Variants in HS2ST1 observed in about 807,000 individuals in gnomAD.
The protein encoded by HS2ST1 is 2-O-sulfotransferase.
In HS2ST1, 18 loss-of-function variants were observed where a neutral mutation model predicts 42.9. That is an observed-to-expected ratio of 0.42 (90% confidence interval 0.29 to 0.62). The LOEUF (loss-of-function observed/expected upper bound fraction) is 0.62, where lower values mean the gene tolerates loss of function less well. Among genes scored for constraint, HS2ST1 ranks in the 20% least tolerant of loss-of-function variants. The probability of loss-of-function intolerance (pLI) is 0.21; values close to 1 mark genes in which losing one functional copy is unlikely to be tolerated. For synonymous variants in HS2ST1, 146 were observed against 152.9 expected, an observed-to-expected ratio of 0.95 and a Z score of 0.33; for missense variants, 334 against 433.8, an observed-to-expected ratio of 0.77 and a Z score of 2.04.
intron 1 of HS2ST1, among the ~76,000 whole-genome samples, chr1:87,050,193 T>A (rs1364699274): frequency 6.6e-6 from 1 of 151,974 alleles, no homozygotes; most frequent in African/African-American, 2.4e-5. Flanking sequence ...TTTTATCTAG[T>A]CTGACAATCT....
In HS2ST1 at chr1:87,104,750, T is replaced by C; in HGVS notation, c.*54T>C. On this transcript the variant is annotated 3_prime_UTR_variant, in exon 7 of 7. Transcript: ENST00000370550. ...ACTAAAATTTGACCCTGTCTTCACC[T>C]TTGTTCTCAGCTCCACAGTCTGGAT... 9.2e-7 allele frequency: 1 copy of C among 1,088,948 alleles called. No individual in the cohort carries two copies. The highest frequency in any genetic ancestry group is 1.3e-5 in the South Asian group (1 of 76,946). 67.5% of individuals were successfully genotyped at this position (1,088,948 alleles called of 1,614,324 possible).
chr1:86,957,879 C>T (rs1453025835), intron 1 of HS2ST1, among the ~76,000 whole-genome samples: 1 of 150,274 alleles, frequency 6.7e-6, no homozygotes, highest in African/African-American at 2.5e-5. Context: ...ACTGCAAACT[C>T]TGCCTCCCGG....
chr1:87,022,349 A>G (rs1649973876), intron 1 of HS2ST1, among the ~76,000 whole-genome samples: 1 of 152,250 alleles, frequency 6.6e-6, no homozygotes, highest in Non-Finnish European at 1.5e-5. Context: ...GTTATGAGCG[A>G]ATACAGTCAG....
At chr1:86,935,155 G>A (rs1002948080) in intron 1 of HS2ST1, among the ~76,000 whole-genome samples, 1 of 151,784 alleles carries the variant, frequency 6.6e-6, no homozygotes, top group African/African-American at 2.4e-5. Flanking sequence ...TTCTGATTAT[G>A]CTACTTTGTC....
chr1:87,080,866 A>T (rs1038907665), intron 2 of HS2ST1, among the ~76,000 whole-genome samples: 10 of 152,146 alleles, frequency 6.6e-5, no homozygotes, highest in African/African-American at 1.9e-4. Flanking sequence ...GTGCCCACAG[A>T]AGGAACGTTT....
rs1401585410 is a variant in HS2ST1, at chr1:87,106,503, G to C, written c.*1807G>C. 1 of 152,030 alleles carries C rather than the reference G, an allele frequency of 6.6e-6. No individual in the cohort carries two copies. The highest frequency in any genetic ancestry group is 1.5e-5 in the Non-Finnish European group (1 of 67,934). 9.4% of individuals were successfully genotyped at this position (152,030 alleles called of 1,614,324 possible). On this transcript the variant is annotated 3_prime_UTR_variant, in exon 7 of 7. Coordinates refer to ENST00000370550, the MANE Select transcript of HS2ST1 (RefSeq NM_012262.4). ...CACCATACTGTAAGCATTTTAGGTA[G>C]ATTGCCTTAAAGGTTATGGGAGGGC...
At chr1:87,003,100 A>C (rs1649339238) in intron 1 of HS2ST1, among the ~76,000 whole-genome samples, 1 of 152,244 alleles carries the variant, frequency 6.6e-6, no homozygotes, top group Admixed American at 6.5e-5. Context: ...TGGCGTCTGT[A>C]ATAAGTGATG....
intron 1 of HS2ST1, among the ~76,000 whole-genome samples, chr1:86,985,469 T>C (rs1429137752): frequency 2.3e-4 from 17 of 73,934 alleles, no homozygotes; most frequent in East Asian, 2.2e-3. Flanking sequence ...TATATACACA[T>C]ATATACACAT....
intron 1 of HS2ST1, among the ~76,000 whole-genome samples, chr1:86,980,141 C>T (rs2102219164): frequency 6.6e-6 from 1 of 152,316 alleles, no homozygotes; most frequent in Admixed American, 6.5e-5. Flanking sequence ...TGCCTGCTCA[C>T]TCTATGTTGG....
chr1:87,104,607 A>G lies in HS2ST1; in HGVS notation c.982A>G (p.Arg328Gly), dbSNP rs1322296184. 1.2e-6 allele frequency: 2 copies of G among 1,613,434 alleles called. No individual in the cohort carries two copies. Among genetic ancestry groups the G allele is most frequent in the Non-Finnish European group, 1.7e-6 (2 of 1,179,504 alleles). ...TGCACTAGAGCAGTTCCAATTCATC[A>G]GAGCCCATGCCGTTCGAGAAAAAGA... ...EFALEQFQFIRAHAVREKDGD... is the reference protein window; with the variant it reads ...EFALEQFQFIGAHAVREKDGD... The change falls in exon 7 of 7, where the codon AGA becomes GGA. Residue 328 changes from arginine to glycine, a missense_variant. Coordinates refer to ENST00000370550, the MANE Select transcript of HS2ST1 (RefSeq NM_012262.4).
intron 1 of HS2ST1, among the ~76,000 whole-genome samples, chr1:86,999,752 T>C (rs1397283988): frequency 1.3e-5 from 2 of 152,254 alleles, no homozygotes; most frequent in East Asian, 3.8e-4. Context: ...AAGTCAAATA[T>C]TCTGCAAGAG....
intron 3 of HS2ST1, among the ~76,000 whole-genome samples, chr1:87,084,987 A>T (rs1232088868): frequency 6.6e-6 from 1 of 152,140 alleles, no homozygotes; most frequent in Non-Finnish European, 1.5e-5. Flanking sequence ...TCAGAAAACT[A>T]TATGCCTACT....
chr1:86,927,216 T>C (rs1660440160), intron 1 of HS2ST1, among the ~76,000 whole-genome samples: 1 of 152,190 alleles, frequency 6.6e-6, no homozygotes, highest in South Asian at 2.1e-4. Flanking sequence ...GTGCTAATAG[T>C]AGTTATATTC....
chr1:87,047,284 G>T (rs1481007155), intron 1 of HS2ST1, among the ~76,000 whole-genome samples: 1 of 151,984 alleles, frequency 6.6e-6, no homozygotes, highest in Non-Finnish European at 1.5e-5. Flanking sequence ...TAAAAAAATG[G>T]ACTGGCTATT....
intron 1 of HS2ST1, among the ~76,000 whole-genome samples, chr1:86,998,726 T>C (rs893107397): frequency 6.6e-6 from 1 of 152,228 alleles, no homozygotes; most frequent in Non-Finnish European, 1.5e-5. Flanking sequence ...TAAAGCATTT[T>C]CTATTGAACT....
At position 86,914,988 on chromosome 1, in the gene HS2ST1, C is replaced by T; in HGVS notation, c.-49C>T. 3 of 1,610,454 alleles carry T rather than the reference C, an allele frequency of 1.9e-6. No homozygotes were observed. The highest frequency in any genetic ancestry group is 1.7e-6 in the Non-Finnish European group (2 of 1,179,072). On this transcript the variant is annotated 5_prime_UTR_variant, in exon 1 of 7. Transcript: ENST00000370550. ...CCGGCGTCTCTCTCGCCTCCGGGGT[C>T]CCGCTCCCCGCCCCCCGCGGTATGT...
At chr1:87,023,160 G>T (rs942854919) in intron 1 of HS2ST1, among the ~76,000 whole-genome samples, 18 of 151,824 alleles carry the variant, frequency 1.2e-4, no homozygotes. Context: ...CTAATGAGTT[G>T]GTATAACTTT....
At chr1:87,057,565 C>CT (rs33933183) in intron 1 of HS2ST1, among the ~76,000 whole-genome samples, 101,054 of 141,376 alleles carry the variant, frequency 0.71, 37,960 homozygotes, top group East Asian at 0.96. Flanking sequence ...CCAGAAGGCA[C>CT]TTTTTTTTTT....
intron 1 of HS2ST1, among the ~76,000 whole-genome samples, chr1:86,977,579 C>T (rs1648456248): frequency 6.6e-6 from 1 of 152,168 alleles, no homozygotes; most frequent in Non-Finnish European, 1.5e-5. Flanking sequence ...ATATGGAAGA[C>T]CATCTAATAA....
Sources: allele counts gnomAD v4.1 joint callset (sites outside exome capture counted in the v4.1 genomes callset), GRCh38; gene constraint gnomAD v4.1.1; transcripts MANE v1.5; gene names NCBI Gene and HGNC (gene_info 2026-07-23, HGNC 2026-07-21).